MGAT4C: variants seen among roughly 807,000 people sequenced by gnomAD.
MGAT4C encodes the protein alpha-1,3-mannosyl-glycoprotein 4-beta-N-acetylglucosaminyltransferase C.
MGAT4C carries 19 observed loss-of-function variants against 40.1 expected under a neutral mutation model. The ratio of observed to expected loss-of-function variants is 0.47; its 90% CI spans 0.33 to 0.70. The LOEUF (loss-of-function observed/expected upper bound fraction) is 0.70. Ranked by LOEUF, MGAT4C falls within the 30% of genes least tolerant of loss-of-function variation. The probability of loss-of-function intolerance (pLI) is 0.02; values close to 1 mark genes in which losing one functional copy is unlikely to be tolerated. For synonymous variants in MGAT4C, 181 were observed against 187.1 expected (o/e 0.97, Z 0.27); for missense variants, 491 against 563.2 (o/e 0.87, Z 1.30).
At chr12:86,693,916 T>A (rs2136602250) in intron 2 of MGAT4C, among the ~76,000 whole-genome samples, 1 of 152,312 alleles carries the variant, frequency 6.6e-6, no homozygotes, top group South Asian at 2.1e-4. Flanking sequence ...TACTGTTGTC[T>A]AAATGTCTGA....
At chr12:86,419,842 G>A (rs1172756235) in intron 3 of MGAT4C, among the ~76,000 whole-genome samples, 1 of 152,096 alleles carries the variant, frequency 6.6e-6, no homozygotes, top group Non-Finnish European at 1.5e-5. Context: ...TGTATTAAGA[G>A]AGTTGTATCA....
intron 1 of MGAT4C, among the ~76,000 whole-genome samples, chr12:86,213,435 G>T (rs1413560007): frequency 1.3e-5 from 2 of 152,130 alleles, no homozygotes; most frequent in Non-Finnish European, 2.9e-5. Context: ...GTAAGTCAAG[G>T]AAATAAATAC....
chr12:86,562,911 T>A (rs149782847), intron 2 of MGAT4C, among the ~76,000 whole-genome samples: 216 of 152,284 alleles, frequency 1.4e-3, no homozygotes, highest in African/African-American at 5.1e-3. Context: ...AAGGTCCTAA[T>A]AGTTTATATA....
intron 2 of MGAT4C, among the ~76,000 whole-genome samples, chr12:86,687,971 T>A (rs1325804618): frequency 6.6e-6 from 1 of 152,192 alleles, no homozygotes; most frequent in Non-Finnish European, 1.5e-5. Context: ...GGAGTTTACG[T>A]CTGTTTGCAG....
intron 1 of MGAT4C, among the ~76,000 whole-genome samples, chr12:86,098,524 A>G (rs572668297): frequency 4.0e-5 from 6 of 151,530 alleles, no homozygotes; most frequent in Admixed American, 1.3e-4. Context: ...CCTTGTTTCC[A>G]CAGTGTGTGA....
chr12:86,771,718 GTGTGTA>G (rs373212280), intron 1 of MGAT4C, among the ~76,000 whole-genome samples: 2,566 of 147,100 alleles, frequency 0.017, 63 homozygotes, highest in African/African-American at 0.063. Flanking sequence ...GTGTGTGTGT[GTGTGTA>G]TGTGTGTGTG....
At chr12:86,207,988 G>C (rs1950322615) in intron 1 of MGAT4C, among the ~76,000 whole-genome samples, 1 of 152,002 alleles carries the variant, frequency 6.6e-6, no homozygotes, top group Non-Finnish European at 1.5e-5. Context: ...GTCCATTTTG[G>C]ATTTTTTACA....
chr12:86,692,561 T>A (rs999172421), intron 2 of MGAT4C, among the ~76,000 whole-genome samples: 3 of 152,142 alleles, frequency 2.0e-5, no homozygotes, highest in Non-Finnish European at 4.4e-5. Flanking sequence ...CTCAATTTGA[T>A]GGGAAATTTA....
chr12:86,644,339 G>A (rs2136525809), intron 2 of MGAT4C, among the ~76,000 whole-genome samples: 1 of 151,812 alleles, frequency 6.6e-6, no homozygotes, highest in African/African-American at 2.4e-5. Context: ...AAAATGGTCA[G>A]TCACATTAGA....
intron 2 of MGAT4C, among the ~76,000 whole-genome samples, chr12:86,587,089 T>G (rs941463918): frequency 2.0e-5 from 3 of 152,130 alleles, no homozygotes; most frequent in African/African-American, 7.2e-5. Context: ...GTTTTAGGTC[T>G]AACATTTAAG....
At position 85,958,602 on chromosome 12, in the gene MGAT4C, TAAAC is replaced by T. The variant is rs931599070; in HGVS notation, c.*20683_*20686del. 2.0e-5 allele frequency: 3 copies of T among 152,130 alleles called. No homozygotes were observed. Among genetic ancestry groups the T allele is most frequent in the African/African-American group, 7.2e-5 (3 of 41,452 alleles). The allele number at this position is 152,130 out of a possible 1,614,324, so 9.4% of individuals were successfully genotyped here. ...AGAAAGCACCAAGTTATTTGTTAAA[TAAAC>T]AAAGTTAATTTTATCTACCTGTTCA... On this transcript the variant is annotated 3_prime_UTR_variant, in exon 5 of 5. Transcript: ENST00000611864.
chr12:86,539,689 C>G (rs1959138842), intron 2 of MGAT4C, among the ~76,000 whole-genome samples: 1 of 152,108 alleles, frequency 6.6e-6, no homozygotes, highest in Admixed American at 6.5e-5. Context: ...GCACCTGTTT[C>G]CTGACTTTTT....
rs142313672 is a variant in MGAT4C, at chr12:86,363,943, A to G, written c.-119-29816T>C. ...AATTTATTAAGAAAAAAATTACCAA[A>G]TCTCTTTCTCACTCTCTCTCTCTCT... On this transcript the variant is annotated intron_variant, in intron 3 of 7. Coordinates refer to the MGAT4C transcript ENST00000548651. Among the ~76,000 whole-genome samples the G allele has an allele frequency of 6.5e-3, 940 of 144,298 alleles. 7 individuals carry two copies. The highest frequency in any genetic ancestry group is 8.9e-3 in the Non-Finnish European group (592 of 66,158). The allele number at this position is 144,298 out of a possible 152,430, so 94.7% of individuals were successfully genotyped here. A position where few individuals can be genotyped will look rare whatever the true frequency, so the allele number is the denominator to read the frequency against.
At chr12:86,791,431 GTTTTTTTTTTTT>G (rs77404320) in intron 1 of MGAT4C, among the ~76,000 whole-genome samples, 3 of 144,110 alleles carry the variant, frequency 2.1e-5, no homozygotes, top group African/African-American at 7.7e-5. Flanking sequence ...GCTTTAAACT[GTTTTTTTTTTTT>G]TTTTTTTTTC....
At chr12:86,682,154 T>C (rs1175600139) in intron 2 of MGAT4C, among the ~76,000 whole-genome samples, 3 of 152,092 alleles carry the variant, frequency 2.0e-5, no homozygotes, top group Non-Finnish European at 2.9e-5. Flanking sequence ...CTAACAATTC[T>C]GAAACAACCA....
At chr12:86,518,057 T>C (rs1958727685) in intron 2 of MGAT4C, among the ~76,000 whole-genome samples, 1 of 152,176 alleles carries the variant, frequency 6.6e-6, no homozygotes, top group Non-Finnish European at 1.5e-5. Context: ...CAAGCTTTCT[T>C]ATCAACCTGC....
chr12:86,361,261 G>A (rs1246843498), intron 3 of MGAT4C, among the ~76,000 whole-genome samples: 1 of 152,152 alleles, frequency 6.6e-6, no homozygotes, highest in Non-Finnish European at 1.5e-5. Context: ...AATAAATGGT[G>A]CTGGGAATAC....
At chr12:86,360,448 C>A (rs4630356) in intron 3 of MGAT4C, among the ~76,000 whole-genome samples, 42 of 152,102 alleles carry the variant, frequency 2.8e-4, no homozygotes, top group African/African-American at 1.0e-3. Flanking sequence ...CCCTCTCTCA[C>A]CACTTCTATT....
chr12:86,428,733 T>A (rs890877856), intron 3 of MGAT4C, among the ~76,000 whole-genome samples: 15 of 152,190 alleles, frequency 9.9e-5, no homozygotes, highest in African/African-American at 3.4e-4. Flanking sequence ...CCATTTCTTA[T>A]ACAATATCCA....
Sources: allele counts gnomAD v4.1 joint callset (sites outside exome capture counted in the v4.1 genomes callset), GRCh38; gene constraint gnomAD v4.1.1; transcripts MANE v1.5; gene names NCBI Gene and HGNC (gene_info 2026-07-23, HGNC 2026-07-21).